PAK5: variants seen among roughly 807,000 people sequenced by gnomAD.
The protein encoded by PAK5 is p21 (RAC1) activated kinase 5, also known as serine/threonine-protein kinase PAK 5.
PAK5 carries 16 observed loss-of-function variants against 65.9 expected under a neutral mutation model. The ratio of observed to expected loss-of-function variants is 0.24; its 90% confidence interval spans 0.16 to 0.37. The LOEUF (loss-of-function observed/expected upper bound fraction) is 0.37, where lower values mean the gene tolerates loss of function less well. Among genes scored for constraint, PAK5 ranks in the 10% least tolerant of loss-of-function variants. The pLI is 1.00. For missense variants in PAK5, 785 were observed against 903.9 expected, an observed-to-expected ratio of 0.87 and a Z score of 1.69; for synonymous variants, 371 against 354.9, an observed-to-expected ratio of 1.05 and a Z score of -0.51.
intron 2 of PAK5, among the ~76,000 whole-genome samples, chr20:9,656,292 T>G (rs1376245455): frequency 6.6e-6 from 1 of 152,014 alleles, no homozygotes; most frequent in African/African-American, 2.4e-5. Context: ...ACAAAATATT[T>G]CCCTTGATAG....
chr20:9,561,834 T>C (rs543539498), intron 6 of PAK5, among the ~76,000 whole-genome samples: 6 of 152,334 alleles, frequency 3.9e-5, no homozygotes, highest in Non-Finnish European at 7.4e-5. Context: ...AAATGTAACA[T>C]GCTATTTTGT....
chr20:9,809,591 A>G (rs2049274508), intron 1 of PAK5, among the ~76,000 whole-genome samples: 1 of 152,058 alleles, frequency 6.6e-6, no homozygotes. Context: ...TGAGCTCAGG[A>G]GCTCTTTGTG....
intron 2 of PAK5, among the ~76,000 whole-genome samples, chr20:9,710,776 A>T (rs1180045112): frequency 6.6e-6 from 1 of 152,216 alleles, no homozygotes; most frequent in East Asian, 1.9e-4. Context: ...TCCCACATCT[A>T]AACAGCTCTC....
At chr20:9,553,438 C>T (rs2045460562) in intron 7 of PAK5, among the ~76,000 whole-genome samples, 1 of 152,106 alleles carries the variant, frequency 6.6e-6, no homozygotes, top group African/African-American at 2.4e-5. Context: ...ATCAAGATAC[C>T]CAACTGTACC....
intron 3 of PAK5, among the ~76,000 whole-genome samples, chr20:9,596,839 C>T (rs537315157): frequency 1.1e-4 from 16 of 152,176 alleles, no homozygotes; most frequent in Admixed American, 4.6e-4. Context: ...TAATGCAGTG[C>T]GTATTAAACC....
intron 1 of PAK5, among the ~76,000 whole-genome samples, chr20:9,817,480 G>A (rs1172095545): frequency 6.6e-6 from 1 of 152,046 alleles, no homozygotes; most frequent in Non-Finnish European, 1.5e-5. Flanking sequence ...AACAAAATAG[G>A]CAAGATCCTT....
intron 1 of PAK5, among the ~76,000 whole-genome samples, chr20:9,790,263 T>C (rs1170226784): frequency 6.6e-6 from 1 of 152,130 alleles, no homozygotes; most frequent in Non-Finnish European, 1.5e-5. Flanking sequence ...CACTATGCCA[T>C]AATTAAGGTA....
chr20:9,609,078 C>T (rs923734128), intron 3 of PAK5, among the ~76,000 whole-genome samples: 5 of 152,136 alleles, frequency 3.3e-5, no homozygotes, highest in African/African-American at 1.2e-4. Context: ...ATGAGAGAAC[C>T]GCTTCTCTTT....
At chr20:9,669,361 T>C (rs1347364923) in intron 2 of PAK5, among the ~76,000 whole-genome samples, 1 of 152,194 alleles carries the variant, frequency 6.6e-6, no homozygotes, top group African/African-American at 2.4e-5. Context: ...AGAAATATCT[T>C]AAAGAAACTG....
At chr20:9,763,312 A>G (rs2048721244) in intron 1 of PAK5, among the ~76,000 whole-genome samples, 1 of 152,104 alleles carries the variant, frequency 6.6e-6, no homozygotes, top group Non-Finnish European at 1.5e-5. Context: ...GCAGGGTGAG[A>G]GGAAACTTTG....
intron 7 of PAK5, among the ~76,000 whole-genome samples, chr20:9,547,936 A>G (rs1477143723): frequency 6.6e-6 from 1 of 152,220 alleles, no homozygotes; most frequent in Admixed American, 6.5e-5. Context: ...AGGAGGTCAC[A>G]TGAACAGGTG....
At chr20:9,657,173 CA>C (rs1281790026) in intron 2 of PAK5, among the ~76,000 whole-genome samples, 1 of 152,162 alleles carries the variant, frequency 6.6e-6, no homozygotes, top group East Asian at 1.9e-4. Flanking sequence ...TAAGCCCTGG[CA>C]ACCTGTAATC....
At chr20:9,730,544 A>G (rs1197938619) in intron 1 of PAK5, among the ~76,000 whole-genome samples, 1 of 152,222 alleles carries the variant, frequency 6.6e-6, no homozygotes, top group African/African-American at 2.4e-5. Flanking sequence ...AGCCTTTACC[A>G]AAAAAGCAAG....
intron 7 of PAK5, 133 bp downstream of exon 7, chr20:9,557,475 T>C (rs1399911733): frequency 4.5e-6 from 3 of 666,068 alleles, no homozygotes; most frequent in East Asian, 5.9e-5. Flanking sequence ...TTTGTAAGTG[T>C]TCTGGGAAGA....
At chr20:9,809,594 T>A (rs2049274543) in intron 1 of PAK5, among the ~76,000 whole-genome samples, 1 of 152,176 alleles carries the variant, frequency 6.6e-6, no homozygotes, top group Non-Finnish European at 1.5e-5. Flanking sequence ...GCTCAGGAGC[T>A]CTTTGTGCTG....
chr20:9,716,191 C>T (rs935435086), intron 1 of PAK5, among the ~76,000 whole-genome samples: 1 of 70,004 alleles, frequency 1.4e-5, no homozygotes, highest in Middle Eastern at 9.4e-3. Flanking sequence ...ATGTTTTAAA[C>T]TATTATTGCT....
intron 2 of PAK5, among the ~76,000 whole-genome samples, chr20:9,705,130 C>CA (rs1360009008): frequency 6.6e-6 from 1 of 152,122 alleles, no homozygotes; most frequent in Non-Finnish European, 1.5e-5. Context: ...GACAGTATCC[C>CA]ATGGGAATTA....
intron 3 of PAK5, among the ~76,000 whole-genome samples, chr20:9,632,679 A>G (rs2046937401): frequency 6.6e-6 from 1 of 152,230 alleles, no homozygotes; most frequent in African/African-American, 2.4e-5. Context: ...ACCCACAGAA[A>G]TAATATCTGC....
intron 6 of PAK5, among the ~76,000 whole-genome samples, chr20:9,558,394 C>T (rs1262887089): frequency 6.6e-6 from 1 of 152,130 alleles, no homozygotes; most frequent in Non-Finnish European, 1.5e-5. Context: ...GGATTACAGA[C>T]AGGAGCCACT....
Sources: allele counts gnomAD v4.1 joint callset (sites outside exome capture counted in the v4.1 genomes callset), GRCh38; gene constraint gnomAD v4.1.1; transcripts MANE v1.5; gene names NCBI Gene and HGNC (gene_info 2026-07-23, HGNC 2026-07-21).